The following CACNB4 variants were observed in gnomAD, a reference collection of about 807,000 sequenced individuals.
The protein encoded by CACNB4 is calcium voltage-gated channel auxiliary subunit beta 4, also known as voltage-dependent L-type calcium channel subunit beta-4.
In CACNB4, 32 loss-of-function variants were observed where a neutral mutation model predicts 71.2. That is an observed-to-expected ratio of 0.45 (90% CI 0.34 to 0.60). CACNB4 has a LOEUF of 0.60. Among genes scored for constraint, CACNB4 ranks in the 20% least tolerant of loss-of-function variants. CACNB4 has a pLI of 0.01. For missense variants in CACNB4, 464 were observed against 647.9 expected, an observed-to-expected ratio of 0.72 and a Z score of 3.08; for synonymous variants, 231 against 236.9, an observed-to-expected ratio of 0.97 and a Z score of 0.23.
chr2:151,983,675 T>TCTCACACACACACACACACACA (rs35313966), intron 2 of CACNB4, among the ~76,000 whole-genome samples: 4 of 141,540 alleles, frequency 2.8e-5, no homozygotes, highest in Non-Finnish European at 6.1e-5. Context: ...TAAACTTTGG[T>TCTCACACACACACACACACACA]CACACACACA....
chr2:151,894,232 C>T (rs982422337), intron 2 of CACNB4, among the ~76,000 whole-genome samples: 4 of 152,134 alleles, frequency 2.6e-5, no homozygotes, highest in Admixed American at 6.6e-5. Flanking sequence ...TCAAATATCA[C>T]GTGGGATTTA....
chr2:151,870,896 G>A, intron 6 of CACNB4, 35 bp from the exon 7 acceptor site: 1 of 1,533,162 alleles, frequency 6.5e-7, no homozygotes, highest in Non-Finnish European at 9.0e-7. Flanking sequence ...ATCAAAATAT[G>A]TAAACTCTGC....
chr2:151,999,642 T>C (rs1682283200), intron 2 of CACNB4, among the ~76,000 whole-genome samples: 2 of 152,340 alleles, frequency 1.3e-5, no homozygotes, highest in East Asian at 1.9e-4. Context: ...AATGTGTTAA[T>C]CCTCTTCTTG....
Position 151,836,401 on chromosome 2 carries a change from GTA to G in CACNB4, c.*2716_*2717del, listed in dbSNP as rs1216373000. 6.6e-6 allele frequency: 1 copy of G among 151,560 alleles called. No homozygotes were observed. Among genetic ancestry groups the G allele is most frequent in the East Asian group, 1.9e-4 (1 of 5,186 alleles). 9.4% of individuals were successfully genotyped at this position (151,560 alleles called of 1,614,324 possible). On this transcript the variant is annotated 3_prime_UTR_variant, in exon 14 of 14. Coordinates refer to ENST00000539935, the MANE Select transcript of CACNB4 (RefSeq NM_000726.5). ...TGGCAAAAATAAAACTTTTCATTTA[GTA>G]TATATCTAGATTTTAAGTATCATTT...
In CACNB4 at chr2:152,098,848, GGCCCCGCAC is replaced by G. The variant is rs1688435264; in HGVS notation, c.63+92_63+100del. On this transcript the variant is annotated intron_variant, in intron 1 of 13. Coordinates refer to ENST00000539935, the MANE Select transcript of CACNB4 (RefSeq NM_000726.5). This position sits in a 1 kb window ranked among gnomAD's most constrained non-coding sequence, Gnocchi z 5.3. ...CGGGGCCGCCGACTCCCGGGACTGG[GGCCCCGCAC>G]GCCCGGCACGAAGGCGGGGCGCGCT... 9.2e-7 allele frequency: 1 copy of G among 1,091,768 alleles called. No homozygotes were observed. Among genetic ancestry groups the G allele is most frequent in the East Asian group, 2.7e-5 (1 of 36,998 alleles). The allele number at this position is 1,091,768 out of a possible 1,614,324, so 67.6% of individuals were successfully genotyped here.
At chr2:152,065,362 G>T (rs1212177805) in intron 2 of CACNB4, among the ~76,000 whole-genome samples, 1 of 150,370 alleles carries the variant, frequency 6.7e-6, no homozygotes, top group Non-Finnish European at 1.5e-5. Context: ...CAACCTGGGT[G>T]GCAGAGCAAG....
At chr2:151,998,505 C>T (rs1318373385) in intron 2 of CACNB4, among the ~76,000 whole-genome samples, 2 of 152,162 alleles carry the variant, frequency 1.3e-5, no homozygotes, top group Non-Finnish European at 2.9e-5. Context: ...AGAACCTCAG[C>T]TGTCTTATTG....
At chr2:151,882,631 G>T (rs1459458702) in intron 3 of CACNB4, among the ~76,000 whole-genome samples, 1 of 152,210 alleles carries the variant, frequency 6.6e-6, no homozygotes, top group Non-Finnish European at 1.5e-5. Flanking sequence ...GAGATCCCTA[G>T]TGACTCTTCT....
intron 2 of CACNB4, chr2:151,967,980 T>C (rs1273060758): frequency 6.6e-6 from 1 of 152,216 alleles, no homozygotes; most frequent in Non-Finnish European, 1.5e-5. Flanking sequence ...TATTGGTCTA[T>C]TTAGATGTCA....
intron 2 of CACNB4, among the ~76,000 whole-genome samples, chr2:151,931,450 C>A (rs1185604090): frequency 6.6e-6 from 1 of 152,288 alleles, no homozygotes; most frequent in East Asian, 1.9e-4. Context: ...TAGTTGGCAA[C>A]AGCATGTGTA....
chr2:152,094,111 T>C (rs1688133040), intron 2 of CACNB4, among the ~76,000 whole-genome samples: 1 of 152,148 alleles, frequency 6.6e-6, no homozygotes, highest in South Asian at 2.1e-4. Context: ...GAAATCTAAG[T>C]ACATGTTAAA....
chr2:151,991,556 T>C (rs1026346076), intron 2 of CACNB4, among the ~76,000 whole-genome samples: 13 of 152,208 alleles, frequency 8.5e-5, no homozygotes, highest in Admixed American at 6.5e-5. Context: ...ATGGGCTAAA[T>C]GACATGCCAA....
intron 2 of CACNB4, among the ~76,000 whole-genome samples, chr2:151,963,335 T>C (rs867967189): frequency 2.3e-5 from 3 of 128,856 alleles, no homozygotes; most frequent in Non-Finnish European, 5.0e-5. Flanking sequence ...AAAAAAAAAA[T>C]GTGAGGAAGG....
chr2:151,926,127 G>A (rs977688241), intron 2 of CACNB4, among the ~76,000 whole-genome samples: 1 of 152,154 alleles, frequency 6.6e-6, no homozygotes, highest in South Asian at 2.1e-4. Context: ...ATAAATGAAA[G>A]AATGTATATA....
chr2:151,991,043 T>C (rs1222749069), intron 2 of CACNB4, among the ~76,000 whole-genome samples: 1 of 152,246 alleles, frequency 6.6e-6, no homozygotes, highest in Non-Finnish European at 1.5e-5. Flanking sequence ...AAATTGCATG[T>C]CTAAGTCCTA....
intron 2 of CACNB4, among the ~76,000 whole-genome samples, chr2:151,982,491 A>G (rs975310575): frequency 2.6e-5 from 4 of 152,094 alleles, no homozygotes; most frequent in African/African-American, 4.8e-5. Context: ...AAAATCAGCC[A>G]GGCGTGGTGG....
At chr2:152,092,971 T>C (rs1183502300) in intron 2 of CACNB4, among the ~76,000 whole-genome samples, 3 of 152,200 alleles carry the variant, frequency 2.0e-5, no homozygotes, top group Admixed American at 6.5e-5. Context: ...ATAAAAGTTA[T>C]ATGAAATGTA....
chr2:151,999,071 C>T (rs185512771), intron 2 of CACNB4, among the ~76,000 whole-genome samples: 22 of 152,302 alleles, frequency 1.4e-4, no homozygotes, highest in African/African-American at 5.1e-4. Flanking sequence ...AGAACAAATG[C>T]GGCTGTCAGC....
At chr2:151,957,615 T>C (rs16830500) in intron 2 of CACNB4, among the ~76,000 whole-genome samples, 14,023 of 152,134 alleles carry the variant, frequency 0.092, 1,564 homozygotes, top group East Asian at 0.57. Flanking sequence ...ACCAAGACAA[T>C]AATTTGACCC....
Sources: allele counts gnomAD v4.1 joint callset (sites outside exome capture counted in the v4.1 genomes callset), GRCh38; gene constraint gnomAD v4.1.1; non-coding constraint Gnocchi (gnomAD v3.1); transcripts MANE v1.5; gene names NCBI Gene and HGNC (gene_info 2026-07-23, HGNC 2026-07-21).